The following AP4M1 variants were observed in gnomAD, a reference collection of about 807,000 sequenced individuals.
AP4M1 encodes the protein AP-4 complex subunit mu-1.
Under a neutral mutation model 62.4 loss-of-function variants are expected in AP4M1, and 58 were observed. The ratio of observed to expected loss-of-function variants is 0.93; its 90% CI spans 0.75 to 1.16. The LOEUF (loss-of-function observed/expected upper bound fraction) is 1.16. AP4M1 is among the 50% of genes most tolerant of loss of function. The pLI is 0.00. For missense variants in AP4M1, 626 were observed against 585.4 expected (o/e 1.07, Z -0.72); for synonymous variants, 290 against 239.7 (o/e 1.21, Z -1.94).
At position 100,108,128 on chromosome 7, in the gene AP4M1, G is replaced by A. The variant is rs200377684; in HGVS notation, c.*1246G>A. 38 of 1,589,162 alleles carry A rather than the reference G, an allele frequency of 2.4e-5. 1 individual carries two copies. Among genetic ancestry groups the A allele is most frequent in the Admixed American group, 2.0e-4 (11 of 54,636 alleles). On this transcript the variant is annotated 3_prime_UTR_variant, in exon 15 of 15. Coordinates refer to ENST00000359593, the MANE Select transcript of AP4M1 (RefSeq NM_004722.4). The stretch of plus-strand genomic sequence containing the variant: ...GAGGGTCAGCGTGGGCCGGGGCTGC[G>A]GGGAGAAGAGGAAAGGGGGAAGTGG...
chr7:100,106,339 C>T lies in AP4M1; in HGVS notation c.1025+48C>T, dbSNP rs766123137. On this transcript the variant is annotated intron_variant, in intron 13 of 14. Transcript: ENST00000359593. ...GGGAGATTCCTGGGGAGAGAGTGAG[C>T]TCAGCATGACGGGTCTGCCTCAAGA... The T allele has an allele frequency of 6.2e-6, 10 of 1,612,660 alleles. No individual in the cohort carries two copies. In the Admixed American group the frequency reaches 1.3e-4, roughly 22 times the overall value.
At chr7:100,104,272 C>T in intron 7 of AP4M1, 118 bp downstream of exon 7, 1 of 883,510 alleles carries the variant, frequency 1.1e-6, no homozygotes, top group Non-Finnish European at 1.9e-6. Context: ...AATCCCAGTG[C>T]TTTGGGAGGC....
chr7:100,104,730 C>A, intron 7 of AP4M1, 144 bp from the exon 8 acceptor site: 1 of 877,790 alleles, frequency 1.1e-6, no homozygotes, highest in Non-Finnish European at 1.9e-6. Context: ...ACTTGTGAGG[C>A]TGAGGCAGGA....
chr7:100,108,028 C>T lies in AP4M1; in HGVS notation c.*1146C>T. ...CAGCCGCTCGTGCAGACACCAGTGT[C>T]TGGACAGGAAGTGCGATGGAGCCAG... On this transcript the variant is annotated 3_prime_UTR_variant, in exon 15 of 15. Coordinates refer to ENST00000359593, the MANE Select transcript of AP4M1 (RefSeq NM_004722.4). The T allele has an allele frequency of 6.2e-7, 1 of 1,613,876 alleles. No homozygotes were observed. Among genetic ancestry groups the T allele is most frequent in the Non-Finnish European group, 8.5e-7 (1 of 1,179,988 alleles).
upstream of AP4M1, chr7:100,101,610 G>C: frequency 8.1e-7 from 1 of 1,228,762 alleles, no homozygotes; most frequent in Non-Finnish European, 1.2e-6. Flanking sequence ...GGGCGGAGGA[G>C]AATCGCTCTT....
chr7:100,104,499 G>A (rs1024687513), intron 7 of AP4M1, among the ~76,000 whole-genome samples: 4 of 151,674 alleles, frequency 2.6e-5, no homozygotes, highest in Non-Finnish European at 4.4e-5. Context: ...ACGCTAGCCC[G>A]GATGACAGAG....
chr7:100,101,804 G>C, intron 1 of AP4M1, 32 bp downstream of exon 1: 2 of 1,610,358 alleles, frequency 1.2e-6, no homozygotes, highest in Non-Finnish European at 1.7e-6. Context: ...GGGAAGGGGC[G>C]GAGGGGCCGG....
chr7:100,106,148 C>T lies in AP4M1; in HGVS notation c.975-93C>T, dbSNP rs955194541. The T allele has an allele frequency of 5.8e-6, 9 of 1,552,232 alleles. No homozygotes were observed. The East Asian group carries it at 9.0e-5, about 16-fold the overall frequency. On this transcript the variant is annotated intron_variant, in intron 12 of 14. Coordinates refer to ENST00000359593, the MANE Select transcript of AP4M1 (RefSeq NM_004722.4). Reference sequence around the variant, plus strand: ...CTGTAGAATTTGGGAAGGTGGGGGGCACCTGTGCTGAAATCCTGTTATGAC... The same window carrying T: ...CTGTAGAATTTGGGAAGGTGGGGGGTACCTGTGCTGAAATCCTGTTATGAC...
rs2116709431 is a variant in AP4M1 at position 100,108,227 on chromosome 7, A to G, written c.*1345A>G. On this transcript the variant is annotated 3_prime_UTR_variant, in exon 15 of 15. Transcript: ENST00000359593. The stretch of plus-strand genomic sequence containing the variant: ...TCGCTCTTCCTCAGTGGCTCTCACT[A>G]GGGCTGGGGCATCCTCACTCAGGGC... The G allele has an allele frequency of 6.9e-7, 1 of 1,457,232 alleles. No homozygotes were observed. The highest frequency in any genetic ancestry group is 9.1e-7 in the Non-Finnish European group (1 of 1,096,894). The allele number at this position is 1,457,232 out of a possible 1,614,324, so 90.3% of individuals were successfully genotyped here.
At chr7:100,102,560 A>T in intron 2 of AP4M1, 115 bp from the exon 3 acceptor site, 1 of 861,316 alleles carries the variant, frequency 1.2e-6, no homozygotes, top group Non-Finnish European at 1.9e-6. Flanking sequence ...TATCTCCCAA[A>T]GGCACTGCTG....
intron 14 of AP4M1, 66 bp from the exon 15 acceptor site, chr7:100,106,592 T>G (rs1796514439): frequency 5.2e-6 from 5 of 955,680 alleles, no homozygotes; most frequent in Middle Eastern, 5.0e-4. Flanking sequence ...AAGCAGCTGC[T>G]GCCTGGTTCC....
rs762895018 is a variant in AP4M1 at position 100,106,651 on chromosome 7, C to T, written c.1138-7C>T. On this transcript the variant is annotated splice_polypyrimidine_tract_variant and splice_region_variant and intron_variant, in intron 14 of 14. Coordinates refer to ENST00000359593, the MANE Select transcript of AP4M1 (RefSeq NM_004722.4). The stretch of plus-strand genomic sequence containing the variant: ...CTCCTTCCTCTCCCTGCCTCTGCCC[C>T]TCACAGATGGACGTCCCAGGGCCCC... 5 of 1,612,872 alleles carry T rather than the reference C, an allele frequency of 3.1e-6. No individual in the cohort carries two copies. Among genetic ancestry groups the T allele is most frequent in the Non-Finnish European group, 4.2e-6 (5 of 1,179,846 alleles).
chr7:100,101,902 G>A lies in AP4M1; in HGVS notation c.81G>A (p.Arg27=). Residue 27 remains arginine, a synonymous_variant, in exon 2 of 15, where the codon CGG becomes CGA. Coordinates refer to ENST00000359593, the MANE Select transcript of AP4M1 (RefSeq NM_004722.4). ...YKDFRGDSGG[R]DVAELFYRKL... is the part of the protein sequence containing the mutation. The stretch of plus-strand genomic sequence containing the variant: ...CAGTCCGCGGGGACAGTGGCGGCCG[G>A]GATGTGGCCGAGCTCTTCTACCGGA... 2.4e-5 allele frequency: 39 copies of A among 1,613,076 alleles called. No individual in the cohort carries two copies. Among genetic ancestry groups the A allele is most frequent in the Non-Finnish European group, 3.1e-5 (36 of 1,179,950 alleles).
chr7:100,101,108 C>G, upstream of AP4M1: 1 of 891,962 alleles, frequency 1.1e-6, no homozygotes, highest in Non-Finnish European at 1.7e-6. Flanking sequence ...TCCCAGGCCC[C>G]GTGGGCCTTA....
Position 100,107,133 on chromosome 7 carries a change from G to T in AP4M1, c.*251G>T. The stretch of plus-strand genomic sequence containing the variant: ...GCTGTACAATATCTAAAAAGAAAGT[G>T]ACATGAAGGAAGCAATCTACAACTT... On this transcript the variant is annotated 3_prime_UTR_variant, in exon 15 of 15. Transcript: ENST00000359593. 1 of 1,425,958 alleles carries T rather than the reference G, an allele frequency of 7.0e-7. No individual in the cohort carries two copies. The highest frequency in any genetic ancestry group is 9.3e-7 in the Non-Finnish European group (1 of 1,071,026). The allele number at this position is 1,425,958 out of a possible 1,614,324, so 88.3% of individuals were successfully genotyped here. A position where few individuals can be genotyped will look rare whatever the true frequency, so the allele number is the denominator to read the frequency against.
upstream of AP4M1, chr7:100,101,283 C>G (rs1215505729): frequency 6.2e-7 from 1 of 1,613,306 alleles, no homozygotes; most frequent in South Asian, 1.1e-5. Context: ...GCGCGTAGTC[C>G]TTCAGTGCCA....
In AP4M1 at chr7:100,107,311, C is replaced by G. The variant is rs752762789; in HGVS notation, c.*429C>G. ...CCATTGGCTTTTGGAGTCCCTGGAG[C>G]TGGAGGGGGACTGTCCCCAGCCTCC... is the stretch of plus-strand genomic sequence containing the variant. On this transcript the variant is annotated 3_prime_UTR_variant, in exon 15 of 15. Coordinates refer to ENST00000359593, the MANE Select transcript of AP4M1 (RefSeq NM_004722.4). 3 of 1,530,476 alleles carry G rather than the reference C, an allele frequency of 2.0e-6. No homozygotes were observed. Among genetic ancestry groups the G allele is most frequent in the Admixed American group, 2.1e-5 (1 of 47,330 alleles). The allele number at this position is 1,530,476 out of a possible 1,614,324, so 94.8% of individuals were successfully genotyped here.
rs374853247 is a variant in AP4M1, at chr7:100,107,603, C to G, written c.*721C>G. 45 of 1,613,092 alleles carry G rather than the reference C, an allele frequency of 2.8e-5. No individual in the cohort carries two copies. The highest frequency in any genetic ancestry group is 3.6e-5 in the Non-Finnish European group (43 of 1,179,770). The stretch of plus-strand genomic sequence containing the variant: ...TGGTGGTGGAACCTGAGCCGGGGGC[C>G]GAGGTGCTGAGGGACAGGACCTGGA... On this transcript the variant is annotated 3_prime_UTR_variant, in exon 15 of 15. Transcript: ENST00000359593.
rs200164848 is a variant in AP4M1 at position 100,105,980 on chromosome 7, G to A, written c.951G>A (p.Leu317=). 1.2e-6 allele frequency: 2 copies of A among 1,614,102 alleles called. No individual in the cohort carries two copies. Among genetic ancestry groups the A allele is most frequent in the Non-Finnish European group, 1.7e-6 (2 of 1,180,024 alleles). The stretch of plus-strand genomic sequence containing the variant: ...CCAGGCTCCAGGTTTATCTAAAGTT[G>A]CGATGTGACCTGCTCTCAAAGAGGT... ...GSGRLQVYLK[L]RCDLLSKSQA... is the part of the protein sequence containing the mutation. Residue 317 remains leucine (L), a synonymous_variant, in exon 12 of 15, where the codon TTG becomes TTA. Coordinates refer to ENST00000359593, the MANE Select transcript of AP4M1 (RefSeq NM_004722.4).
Sources: allele counts gnomAD v4.1 joint callset (sites outside exome capture counted in the v4.1 genomes callset), GRCh38; gene constraint gnomAD v4.1.1; transcripts MANE v1.5; gene names NCBI Gene and HGNC (gene_info 2026-07-23, HGNC 2026-07-21).